JUP: variants seen among roughly 807,000 people sequenced by gnomAD.
JUP encodes junction plakoglobin, also known as catenin (cadherin-associated protein), gamma 80kDa.
In JUP, 28 loss-of-function variants were observed where a neutral mutation model predicts 71.1. The ratio of observed to expected loss-of-function variants is 0.39; its 90% CI spans 0.29 to 0.54. JUP has a LOEUF of 0.54. Ranked by LOEUF, JUP falls within the 20% of genes least tolerant of loss-of-function variation. JUP has a pLI of 0.62. For synonymous variants in JUP, 401 were observed against 438.9 expected, an observed-to-expected ratio of 0.91 and a Z score of 1.08; for missense variants, 869 against 1,030.1, an observed-to-expected ratio of 0.84 and a Z score of 2.14.
rs782685734 is a variant in JUP, at chr17:41,769,002, G to C, written c.674C>G (p.Ser225Trp). 6.2e-7 allele frequency: 1 copy of C among 1,609,370 alleles called. No individual in the cohort carries two copies. Among genetic ancestry groups the C allele is most frequent in the East Asian group, 2.2e-5 (1 of 44,704 alleles). ...GCGGACCAGAGCAGGGATGCCACCC[G>C]ACTTGAAGATGGCGAGCAGCCCCTC... ...HREGLLAIFK[S>W]GGIPALVRML... Residue 225 changes from serine to tryptophan, a missense_variant, in exon 4 of 14, where the codon TCG becomes TGG. Ser to Trp is a radical substitution (Grantham distance 177, BLOSUM62 -3). Transcript: ENST00000393931.
intron 8 of JUP, among the ~76,000 whole-genome samples, chr17:41,760,003 C>T (rs1555600403): frequency 6.6e-6 from 1 of 151,608 alleles, no homozygotes; most frequent in African/African-American, 2.4e-5. Flanking sequence ...CACTTTAGGT[C>T]AGGAGTTCGA....
At chr17:41,785,239 T>G (rs1420211875) in intron 1 of JUP, 1 of 150,564 alleles carries the variant, frequency 6.6e-6, no homozygotes, top group East Asian at 2.0e-4. Context: ...AGCTAAGTAA[T>G]GTGGGGGATG....
intron 5 of JUP, among the ~76,000 whole-genome samples, chr17:41,767,138 C>T (rs184720971): frequency 9.2e-5 from 14 of 151,394 alleles, no homozygotes; most frequent in Non-Finnish European, 7.4e-5. Context: ...AATCTGCCCA[C>T]AGAACAGCTC....
At chr17:41,776,924 T>C (rs532269962) in intron 1 of JUP, among the ~76,000 whole-genome samples, 65 of 152,176 alleles carry the variant, frequency 4.3e-4, no homozygotes, top group Non-Finnish European at 7.2e-4. Flanking sequence ...GCGAATCACT[T>C]GAACCTGGGA....
rs782797975 is a variant in JUP at position 41,765,007 on chromosome 17, A to T, written c.970T>A (p.Tyr324Asn). Residue 324 changes from tyrosine to asparagine, a missense_variant, in exon 6 of 14, where the codon TAT (tyrosine) becomes AAT (asparagine). Physicochemically the swap from Tyr to Asn is moderately radical, Grantham distance 143. Transcript: ENST00000393931. ...CTGGTGGTCCAGAGCAGCTTTTCAT[A>T]ACTGTAGTTACGCATGATCTGCACG... ...ALVQIMRNYSYEKLLWTTSRV... is the reference protein window; with the variant it reads ...ALVQIMRNYSNEKLLWTTSRV... 6.2e-7 allele frequency: 1 copy of T among 1,614,012 alleles called. No homozygotes were observed. The highest frequency in any genetic ancestry group is 8.5e-7 in the Non-Finnish European group (1 of 1,180,014).
chr17:41,755,126 G>A lies in JUP; in HGVS notation c.*618C>T, dbSNP rs778912761. The stretch of plus-strand genomic sequence containing the variant: ...CCAGAGAAGGAACCAAAGCCCTTCC[G>A]GGCCCAGGCAGCTGGAGACAGGGAG... On this transcript the variant is annotated 3_prime_UTR_variant, in exon 14 of 14. Transcript: ENST00000393931. The A allele has an allele frequency of 5.0e-6, 2 of 397,236 alleles. No homozygotes were observed. The highest frequency in any genetic ancestry group is 8.9e-6 in the Non-Finnish European group (2 of 225,684). 24.6% of individuals were successfully genotyped at this position (397,236 alleles called of 1,614,324 possible).
In JUP at chr17:41,780,108, G is replaced by A. The variant is rs181922411; in HGVS notation, c.-9+6480C>T. ...ATGGTAGGGAAAGACACAGAAAGCT[G>A]AGCTTCAGCTGGGCATGGTGGCTCA... On this transcript the variant is annotated intron_variant, in intron 1 of 13. Transcript: ENST00000393931. 5.6e-4 allele frequency among the ~76,000 whole-genome samples: 85 copies of A among 152,286 alleles called. 1 individual carries two copies. Among genetic ancestry groups the A allele is most frequent in the African/African-American group, 1.7e-3 (70 of 41,554 alleles).
At chr17:41,764,236 G>A (rs1275181491) in intron 7 of JUP, among the ~76,000 whole-genome samples, 2 of 152,116 alleles carry the variant, frequency 1.3e-5, no homozygotes, top group South Asian at 2.1e-4. Flanking sequence ...CCAGGGCCCA[G>A]GTCAAAACTG....
chr17:41,767,590 T>TGGGGGGGG lies in JUP; in HGVS notation c.708-11_708-10insCCCCCCCC. 4 of 974,476 alleles carry TGGGGGGGG rather than the reference T, an allele frequency of 4.1e-6. No individual in the cohort carries two copies. The highest frequency in any genetic ancestry group is 6.3e-6 in the Non-Finnish European group (4 of 630,746). The allele number at this position is 974,476 out of a possible 1,614,324, so 60.4% of individuals were successfully genotyped here. A position where few individuals can be genotyped will look rare whatever the true frequency, so the allele number is the denominator to read the frequency against. ...CGACTCCACAGGGGAGCTGGGGGGG[T>TGGGGGGGG]GGGCAGGGGTTAGTACGCTGAGGTC... On this transcript the variant is annotated splice_polypyrimidine_tract_variant and intron_variant, in intron 4 of 13. Coordinates refer to ENST00000393931, the MANE Select transcript of JUP (RefSeq NM_002230.4).
At position 41,763,261 on chromosome 17, in the gene JUP, C is replaced by T. The variant is rs370913228; in HGVS notation, c.1219G>A (p.Val407Ile). Residue 407 changes from valine (V) to isoleucine (I), a missense_variant, in exon 8 of 14, where the codon GTC becomes ATC. By Grantham distance (29) the Val-to-Ile change is conservative. Transcript: ENST00000393931. ...AGTGTGCCCGTGGCACAGGTGAGGA[C>T]GTTGACGTCATCCACACTCAGCTGA... The part of the protein sequence containing the change: ...VNQLSVDDVN[V>I]LTCATGTLSN... The T allele has an allele frequency of 3.5e-5, 56 of 1,614,030 alleles. No homozygotes were observed. Among genetic ancestry groups the T allele is most frequent in the Non-Finnish European group, 3.7e-5 (44 of 1,180,038 alleles).
intron 1 of JUP, among the ~76,000 whole-genome samples, chr17:41,778,543 C>A (rs147150278): frequency 3.0e-5 from 4 of 135,118 alleles, no homozygotes; most frequent in African/African-American, 5.5e-5. Context: ...CTGGGCAACA[C>A]AGTGAGACCC....
intron 4 of JUP, among the ~76,000 whole-genome samples, chr17:41,768,147 C>G (rs1916015040): frequency 6.6e-6 from 1 of 152,110 alleles, no homozygotes; most frequent in African/African-American, 2.4e-5. Flanking sequence ...GCCTATAATC[C>G]CAGCACTTTG....
rs371508357 is a variant in JUP, at chr17:41,755,774, C to T, written c.2208G>A (p.Pro736=). 3.1e-5 allele frequency: 50 copies of T among 1,608,298 alleles called. No homozygotes were observed. The highest frequency in any genetic ancestry group is 8.9e-5 in the East Asian group (4 of 44,784). ...IDTYSDGLRP[P]YPTADHMLA ...CCAGCATGTGGTCTGCAGTGGGGTA[C>T]GGGGGCCTGAGGCCGTCGCTGTAGG... The change falls in exon 14 of 14, where the codon CCG becomes CCA. Residue 736 remains proline, a synonymous_variant. Coordinates refer to ENST00000393931, the MANE Select transcript of JUP (RefSeq NM_002230.4).
At chr17:41,756,442 C>CA (rs1247532981) in intron 12 of JUP, among the ~76,000 whole-genome samples, 1 of 151,116 alleles carries the variant, frequency 6.6e-6, no homozygotes, top group Non-Finnish European at 1.5e-5. Flanking sequence ...ACTAAAAATA[C>CA]AAAAAAAATT....
At chr17:41,759,894 T>G (rs1158131277) in intron 8 of JUP, among the ~76,000 whole-genome samples, 1 of 152,116 alleles carries the variant, frequency 6.6e-6, no homozygotes, top group Non-Finnish European at 1.5e-5. Flanking sequence ...ACATTTTTTT[T>G]TCTAAACATG....
At chr17:41,784,972 T>TGG (rs140734128) in intron 1 of JUP, 11 of 149,580 alleles carry the variant, frequency 7.4e-5, no homozygotes, top group Non-Finnish European at 1.3e-4. Context: ...CAATTCTGGG[T>TGG]GGGGGGGGGC....
intron 1 of JUP, among the ~76,000 whole-genome samples, chr17:41,773,570 T>C (rs1159006415): frequency 2.0e-5 from 3 of 152,094 alleles, no homozygotes; most frequent in African/African-American, 7.2e-5. Flanking sequence ...TTCGAAAGTG[T>C]AGCTATTTCA....
chr17:41,769,081 G>C lies in JUP; in HGVS notation c.595C>G (p.Leu199Val), dbSNP rs782112055. 3.7e-6 allele frequency: 6 copies of C among 1,613,360 alleles called. No homozygotes were observed. In the Admixed American group the frequency reaches 8.3e-5, roughly 22 times the overall value. ...CTGGTGGTGCAGCGGGCTGTGTCCA[G>C]GTCGCTGGTATTCTGCATGGTACGC... ...VVRTMQNTSD[L>V]DTARCTTSIL... Residue 199 changes from leucine (L) to valine (V), a missense_variant, in exon 4 of 14, where the codon CTG becomes GTG. Leu to Val is a conservative substitution (Grantham distance 32, BLOSUM62 1). Coordinates refer to ENST00000393931, the MANE Select transcript of JUP (RefSeq NM_002230.4).
At position 41,778,768 on chromosome 17, in the gene JUP, G is replaced by A. The variant is rs530158952; in HGVS notation, c.-8-6906C>T. ...CTACTAAAAATATAAAAAATTAGCC[G>A]GGCGTGTTAGCGGGTGCCTGTAGTC... On this transcript the variant is annotated intron_variant, in intron 1 of 13. Coordinates refer to ENST00000393931, the MANE Select transcript of JUP (RefSeq NM_002230.4). Among the ~76,000 whole-genome samples the A allele has an allele frequency of 1.7e-3, 253 of 151,326 alleles. 2 individuals carry two copies. The highest frequency in any genetic ancestry group is 5.5e-3 in the African/African-American group (228 of 41,142).
Sources: gnomAD v4.1 joint callset for allele counts (sites outside exome capture counted in the v4.1 genomes callset) on GRCh38, gnomAD v4.1.1 for gene constraint, MANE v1.5 for transcripts, NCBI Gene and HGNC (gene_info 2026-07-23, HGNC 2026-07-21) for gene names.